Variants in ABCA4 observed in about 807,000 individuals in gnomAD.
The protein encoded by ABCA4 is ATP binding cassette subfamily A member 4.
ABCA4 carries 196 observed loss-of-function variants against 263.7 expected under a neutral mutation model. That is an observed-to-expected ratio of 0.74 (90% CI 0.66 to 0.84). The LOEUF (loss-of-function observed/expected upper bound fraction) is 0.84. Among genes scored for constraint, ABCA4 ranks in the 40% least tolerant of loss-of-function variants. The pLI is 0.00. For missense variants in ABCA4, 2,792 were observed against 2,855.1 expected (o/e 0.98, Z 0.50); for synonymous variants, 1,133 against 1,094.2 (o/e 1.04, Z -0.70).
rs756647171 is a variant in ABCA4, at chr1:94,111,560, C to T, written c.180G>A (p.Ala60=). The change falls in exon 3 of 50, where the codon GCG becomes GCA. Residue 60 remains alanine, a synonymous_variant. Coordinates refer to ENST00000370225, the MANE Select transcript of ABCA4 (RefSeq NM_000350.3). ...SHHECHFPNK[A]MPSAGMLPWL... ...ACGGCAGCATTCCTGCTGAGGGCAT[C>T]GCCTTGTTGGGGAAATGGCCTTTAA... 46 of 1,614,230 alleles carry T rather than the reference C, an allele frequency of 2.8e-5. No individual in the cohort carries two copies. Among genetic ancestry groups the T allele is most frequent in the Admixed American group, 1.0e-4 (6 of 60,034 alleles).
At chr1:94,070,923 G>T (rs1172658088) in intron 11 of ABCA4, among the ~76,000 whole-genome samples, 1 of 152,204 alleles carries the variant, frequency 6.6e-6, no homozygotes, top group African/African-American at 2.4e-5. Context: ...ATTTTAGAAA[G>T]ATCTTGCTGG....
intron 36 of ABCA4, among the ~76,000 whole-genome samples, chr1:94,017,694 G>C (rs1659777700): frequency 2.0e-5 from 3 of 152,070 alleles, no homozygotes; most frequent in African/African-American, 2.4e-5. Context: ...CTCGTTTGTA[G>C]GAAGTATACA....
rs138475920 is a variant in ABCA4, at chr1:94,024,977, C to G, written c.4611G>C (p.Thr1537=). ...DRNISDFLVK[T]YPALIRSSLK... ...ACCTGCTTCTTATAAGAGCAGGATA[C>G]GTTTTTACCAAGAAGTCGGAGATGT... The change falls in exon 31 of 50, where the codon ACG becomes ACC. Residue 1537 remains threonine (T), a synonymous_variant. Coordinates refer to ENST00000370225, the MANE Select transcript of ABCA4 (RefSeq NM_000350.3). The G allele has an allele frequency of 1.8e-5, 29 of 1,614,016 alleles. No individual in the cohort carries two copies. The African/African-American group carries it at 3.6e-4, about 20-fold the overall frequency.
chr1:94,017,453 C>G (rs1234847992), intron 36 of ABCA4, among the ~76,000 whole-genome samples: 1 of 152,240 alleles, frequency 6.6e-6, no homozygotes, highest in African/African-American at 2.4e-5. Flanking sequence ...CTCAAAGTGT[C>G]AAGACCATGA....
At chr1:94,103,957 G>A (rs1662352523) in intron 4 of ABCA4, among the ~76,000 whole-genome samples, 1 of 152,144 alleles carries the variant, frequency 6.6e-6, no homozygotes, top group South Asian at 2.1e-4. Context: ...GGTGACCTTG[G>A]GGCAAGTGAT....
At chr1:94,080,307 T>C (rs184604507) in intron 8 of ABCA4, among the ~76,000 whole-genome samples, 171 bp downstream of exon 8, 1 of 152,150 alleles carries the variant, frequency 6.6e-6, no homozygotes, top group Non-Finnish European at 1.5e-5. Flanking sequence ...TTATAAGCAA[T>C]GCCCCCTTTC....
At chr1:94,043,223 A>C in intron 21 of ABCA4, 113 bp downstream of exon 21, 1 of 1,461,954 alleles carries the variant, frequency 6.8e-7, no homozygotes, top group South Asian at 1.2e-5. Flanking sequence ...AACTTCACAG[A>C]GGTGTTCCCA....
At chr1:94,007,359 T>C (rs981256146) in intron 43 of ABCA4, among the ~76,000 whole-genome samples, 1 of 152,226 alleles carries the variant, frequency 6.6e-6, no homozygotes, top group African/African-American at 2.4e-5. Context: ...TTCCGTGACC[T>C]CTAAGAGATT....
chr1:94,028,667 T>G (rs945066), intron 30 of ABCA4, among the ~76,000 whole-genome samples: 83,584 of 151,328 alleles, frequency 0.55, 23,259 homozygotes, highest in African/African-American at 0.62. Context: ...AGCACTCTGG[T>G]AGGCAGAAGT....
intron 15 of ABCA4, among the ~76,000 whole-genome samples, chr1:94,056,262 C>A (rs1336229040): frequency 6.6e-6 from 1 of 152,212 alleles, no homozygotes; most frequent in Non-Finnish European, 1.5e-5. Context: ...AAGCTCCCTC[C>A]CTTCTGATTC....
intron 4 of ABCA4, among the ~76,000 whole-genome samples, chr1:94,104,935 A>G (rs542292195): frequency 3.3e-5 from 5 of 152,154 alleles, no homozygotes; most frequent in Admixed American, 1.3e-4. Flanking sequence ...CACTCCACCA[A>G]CACCATCCCC....
chr1:94,116,871 G>C (rs1354576136), intron 1 of ABCA4, among the ~76,000 whole-genome samples: 1 of 152,012 alleles, frequency 6.6e-6, no homozygotes, highest in African/African-American at 2.4e-5. Context: ...CAGAAGGGCT[G>C]GTGGAAAATT....
chr1:93,996,872 C>T (rs999099699), intron 48 of ABCA4, among the ~76,000 whole-genome samples: 6 of 152,148 alleles, frequency 3.9e-5, no homozygotes, highest in South Asian at 2.1e-4. Flanking sequence ...GCTAAGTCCT[C>T]GCATAATAAG....
intron 11 of ABCA4, among the ~76,000 whole-genome samples, chr1:94,074,754 TG>T (rs1661494180): frequency 6.6e-6 from 1 of 152,244 alleles, no homozygotes; most frequent in Non-Finnish European, 1.5e-5. Flanking sequence ...GTTCAACCAT[TG>T]TGGAAGATAG....
intron 2 of ABCA4, 41 bp from the exon 3 acceptor site, chr1:94,111,620 G>T (rs1557809710): frequency 6.2e-7 from 1 of 1,612,722 alleles, no homozygotes; most frequent in African/African-American, 1.3e-5. Flanking sequence ...ATTAGTCATG[G>T]AGACCAAGCA....
chr1:94,120,992 C>T lies in ABCA4; in HGVS notation c.54G>A (p.Arg18=). The part of the protein sequence containing the change: ...QLLLWKNWTL[R]KRQKIRFVVE... ...CAGTAACTGTTACCTTTTGCCTTTTCCGCAGGGTCCAGTTCTTCCAGAGCA... is the reference window on the plus strand; with the variant it reads ...CAGTAACTGTTACCTTTTGCCTTTTTCGCAGGGTCCAGTTCTTCCAGAGCA... Residue 18 remains arginine, a synonymous_variant, in exon 1 of 50, where the codon CGG becomes CGA. Transcript: ENST00000370225. 1 of 1,528,648 alleles carries T rather than the reference C, an allele frequency of 6.5e-7. No individual in the cohort carries two copies. The highest frequency in any genetic ancestry group is 8.9e-7 in the Non-Finnish European group (1 of 1,127,442). 94.7% of individuals were successfully genotyped at this position (1,528,648 alleles called of 1,614,324 possible).
At chr1:94,065,925 A>G (rs879613031) in intron 11 of ABCA4, among the ~76,000 whole-genome samples, 5 of 152,228 alleles carry the variant, frequency 3.3e-5, no homozygotes, top group Non-Finnish European at 5.9e-5. Context: ...CACCCACCAT[A>G]GAGCTAAGGG....
At chr1:94,040,188 T>G (rs887110547) in intron 23 of ABCA4, 61 bp from the exon 24 acceptor site, 1 of 1,351,816 alleles carries the variant, frequency 7.4e-7, no homozygotes, top group East Asian at 2.4e-5. Flanking sequence ...AGCCTCTCCC[T>G]GATGCCAGCT....
chr1:94,070,057 T>G (rs1024515220), intron 11 of ABCA4, among the ~76,000 whole-genome samples: 1 of 152,178 alleles, frequency 6.6e-6, no homozygotes, highest in Non-Finnish European at 1.5e-5. Flanking sequence ...GCAGGGCACT[T>G]GAGCTCTTAA....
Sources: gnomAD v4.1 joint callset for allele counts (sites outside exome capture counted in the v4.1 genomes callset) on GRCh38, gnomAD v4.1.1 for gene constraint, MANE v1.5 for transcripts, NCBI Gene and HGNC (gene_info 2026-07-23, HGNC 2026-07-21) for gene names.